The following VPS13D variants were observed in gnomAD, a reference collection of about 807,000 sequenced individuals.
The protein encoded by VPS13D is vacuolar protein sorting 13 homolog D, also known as intermembrane lipid transfer protein VPS13D.
Under a neutral mutation model 461.9 loss-of-function variants are expected in VPS13D, and 187 were observed. That is an observed-to-expected ratio of 0.40 (90% confidence interval 0.36 to 0.46). The LOEUF is 0.46. VPS13D is among the 20% of genes least tolerant of loss of function. VPS13D has a pLI of 0.60. For missense variants in VPS13D, 4,711 were observed against 5,364.9 expected (o/e 0.88, Z 3.81); for synonymous variants, 1,951 against 1,986.3 (o/e 0.98, Z 0.47).
chr1:12,289,435 T>C (rs1171822551), intron 22 of VPS13D, among the ~76,000 whole-genome samples: 2 of 152,088 alleles, frequency 1.3e-5, no homozygotes, highest in African/African-American at 4.8e-5. Flanking sequence ...TTCCTAATTA[T>C]CAAAGATTAC....
chr1:12,369,411 T>G, intron 53 of VPS13D, 56 bp from the exon 54 acceptor site: 1 of 1,542,450 alleles, frequency 6.5e-7, no homozygotes. Context: ...TGACTCACTT[T>G]TCAGTAACCC....
intron 21 of VPS13D, among the ~76,000 whole-genome samples, chr1:12,286,028 C>G (rs1222834399): frequency 1.2e-4 from 18 of 146,142 alleles, no homozygotes; most frequent in Non-Finnish European, 6.0e-5. Context: ...CTCTCCTCCT[C>G]TCCCCTCCCC....
intron 60 of VPS13D, among the ~76,000 whole-genome samples, chr1:12,395,514 C>T (rs1196883333): frequency 1.3e-5 from 2 of 152,164 alleles, no homozygotes; most frequent in South Asian, 2.1e-4. Context: ...AGCTCTTTCT[C>T]TGCAGGAGAT....
chr1:12,437,880 C>G (rs1455278988), intron 65 of VPS13D, among the ~76,000 whole-genome samples: 1 of 152,172 alleles, frequency 6.6e-6, no homozygotes, highest in Non-Finnish European at 1.5e-5. Context: ...ATCTTTCCAG[C>G]TGTTGGGATG....
At chr1:12,292,262 C>CAAAAA (rs766212937) in intron 23 of VPS13D, among the ~76,000 whole-genome samples, 8 of 12,226 alleles carry the variant, frequency 6.5e-4, no homozygotes, top group Admixed American at 1.0e-3. Flanking sequence ...AACTCCATCT[C>CAAAAA]AAAAAAAAAA....
chr1:12,456,750 G>A (rs910372990), intron 66 of VPS13D, among the ~76,000 whole-genome samples: 5 of 151,406 alleles, frequency 3.3e-5, no homozygotes, highest in Non-Finnish European at 2.9e-5. Context: ...GTTGAAATAC[G>A]ACAGCCGGTG....
intron 6 of VPS13D, among the ~76,000 whole-genome samples, chr1:12,252,599 C>T (rs1640770127): frequency 6.6e-6 from 1 of 151,552 alleles, no homozygotes; most frequent in African/African-American, 2.4e-5. Context: ...TGATGAAACC[C>T]CATCTCTATT....
intron 7 of VPS13D, 94 bp downstream of exon 7, chr1:12,253,920 G>C: frequency 1.1e-6 from 1 of 933,982 alleles, no homozygotes; most frequent in Non-Finnish European, 1.7e-6. Context: ...TTGCCTCTCT[G>C]ATTCCAGTTC....
At chr1:12,237,380 C>T (rs1316923605) in intron 2 of VPS13D, among the ~76,000 whole-genome samples, 1 of 146,516 alleles carries the variant, frequency 6.8e-6, no homozygotes, top group Non-Finnish European at 1.5e-5. Context: ...GTGGTCCCAG[C>T]TACTTGGGAG....
rs185932654 is a variant in VPS13D, at chr1:12,242,839, C to T, written c.175+249C>T. ...AATCTCTGAGGGAATGTCATTGAAC[C>T]TACAGTGTTTAATAAGCACTCCAGG... is the stretch of plus-strand genomic sequence containing the variant. On this transcript the variant is annotated intron_variant, in intron 3 of 69. Coordinates refer to ENST00000620676, the MANE Select transcript of VPS13D (RefSeq NM_015378.4). Among the ~76,000 whole-genome samples, 10 of 152,348 alleles carry T rather than the reference C, an allele frequency of 6.6e-5. 1 individual carries two copies. Among genetic ancestry groups the T allele is most frequent in the African/African-American group, 2.4e-4 (10 of 41,584 alleles).
Position 12,452,270 on chromosome 1 carries a change from A to C in VPS13D, c.12334-3728A>C, listed in dbSNP as rs144662399. On this transcript the variant is annotated intron_variant, in intron 65 of 69. Transcript: ENST00000620676. ...CTTCGTCTGAATAATCTGGACCTCT[A>C]TCTCCAGGCTTTACTTGTCACAAGA... 5.4e-3 allele frequency among the ~76,000 whole-genome samples: 829 copies of C among 152,296 alleles called. 5 individuals carry two copies. The highest frequency in any genetic ancestry group is 0.019 in the African/African-American group (796 of 41,554).
intron 67 of VPS13D, among the ~76,000 whole-genome samples, chr1:12,486,245 G>A (rs1645795140): frequency 6.6e-6 from 1 of 152,156 alleles, no homozygotes; most frequent in East Asian, 1.9e-4. Context: ...TACATTTAAG[G>A]GCAAACAATG....
chr1:12,425,916 G>C lies in VPS13D; in HGVS notation c.12333+9089G>C, dbSNP rs139732062. Among the ~76,000 whole-genome samples, 3 of 152,306 alleles carry C rather than the reference G, an allele frequency of 2.0e-5. No homozygotes were observed. The East Asian group carries it at 5.8e-4, about 29-fold the overall frequency. On this transcript the variant is annotated intron_variant, in intron 65 of 69. Coordinates refer to ENST00000620676, the MANE Select transcript of VPS13D (RefSeq NM_015378.4). Reference sequence around the variant, plus strand: ...GTATAATCTTTTACCAAACTCAAAAGGTTGTAGAAGCAAAACCATGAGCCG... The same window carrying C: ...GTATAATCTTTTACCAAACTCAAAACGTTGTAGAAGCAAAACCATGAGCCG...
intron 67 of VPS13D, chr1:12,478,945 C>T (rs115488033): frequency 0.032 from 14,303 of 453,996 alleles, 373 homozygotes; most frequent in South Asian, 0.061. Context: ...CCCATCACCT[C>T]GAAAGCTGTT....
Position 12,342,930 on chromosome 1 carries a change from G to C in VPS13D, c.8764G>C (p.Val2922Leu), listed in dbSNP as rs1643602673. The C allele has an allele frequency of 6.2e-7, 1 of 1,613,426 alleles. No homozygotes were observed. Among genetic ancestry groups the C allele is most frequent in the South Asian group, 1.1e-5 (1 of 91,026 alleles). Residue 2922 changes from valine (V) to leucine (L), a missense_variant, in exon 42 of 70, where the codon GTA becomes CTA. Physicochemically the swap from Val to Leu is conservative, Grantham distance 32 (BLOSUM62 1). Around this residue, in one of 3 missense-constraint regions of VPS13D, gnomAD observed 4,411 missense variants for 4,937.8 expected, o/e 0.89. Transcript: ENST00000620676. ...ACTCTCTCACAGTGGGAGTCCAGGG[G>C]TAGTTCCAGAAGGGAACGGAACATT... is the stretch of plus-strand genomic sequence containing the variant. ...AALSHSGSPG[V>L]VPEGNGTFLD...
chr1:12,509,118 A>G lies in VPS13D; in HGVS notation c.*94A>G. ...CAGCTGACGATGGAGGCAGAACCGGAGTCGGGTTTGGGGAAGTTGTCAAGG... is the reference window on the plus strand; with the variant it reads ...CAGCTGACGATGGAGGCAGAACCGGGGTCGGGTTTGGGGAAGTTGTCAAGG... On this transcript the variant is annotated 3_prime_UTR_variant, in exon 70 of 70. Coordinates refer to ENST00000620676, the MANE Select transcript of VPS13D (RefSeq NM_015378.4). 1 of 1,454,466 alleles carries G rather than the reference A, an allele frequency of 6.9e-7. No homozygotes were observed. The allele number at this position is 1,454,466 out of a possible 1,614,324, so 90.1% of individuals were successfully genotyped here. A position where few individuals can be genotyped will look rare whatever the true frequency, so the allele number is the denominator to read the frequency against.
intron 5 of VPS13D, 29 bp downstream of exon 5, chr1:12,244,646 T>C: frequency 6.3e-7 from 1 of 1,593,186 alleles, no homozygotes. Flanking sequence ...TATAAAAGTA[T>C]CAACGTGAAA....
intron 65 of VPS13D, among the ~76,000 whole-genome samples, chr1:12,449,981 C>G (rs1245846949): frequency 6.6e-6 from 1 of 151,970 alleles, no homozygotes; most frequent in Non-Finnish European, 1.5e-5. Flanking sequence ...AAAAATTAGC[C>G]AGGCGTGGTG....
Position 12,234,290 on chromosome 1 carries a change from G to C in VPS13D, c.24G>C (p.Trp8Cys). 1 of 1,613,992 alleles carries C rather than the reference G, an allele frequency of 6.2e-7. No individual in the cohort carries two copies. The change falls in exon 2 of 70, where the codon TGG becomes TGC. Residue 8 changes from tryptophan to cysteine, a missense_variant. Around this residue, in one of 3 missense-constraint regions of VPS13D, gnomAD observed 4,411 missense variants for 4,937.8 expected, o/e 0.89. Coordinates refer to ENST00000620676, the MANE Select transcript of VPS13D (RefSeq NM_015378.4). ...TCATGTTGGAAGGCCTTGTAGCCTG[G>C]GTTCTCAATACCTATTTGGGAAAAT... MLEGLVA[W>C]VLNTYLGKYV... is the part of the protein sequence containing the mutation.
Sources: gnomAD v4.1 joint callset for allele counts (sites outside exome capture counted in the v4.1 genomes callset) on GRCh38, gnomAD v4.1.1 for gene constraint, gnomAD v4.1.1 regional missense constraint, MANE v1.5 for transcripts, NCBI Gene and HGNC (gene_info 2026-07-23, HGNC 2026-07-21) for gene names.